The following NUDT3 variants were observed in gnomAD, a reference collection of about 807,000 sequenced individuals.
NUDT3 encodes the protein diphosphoinositol polyphosphate phosphohydrolase 1.
Under a neutral mutation model 23.6 loss-of-function variants are expected in NUDT3, and 9 were observed. The observed-to-expected ratio is 0.38, with a 90% CI of 0.23 to 0.66. NUDT3 has a LOEUF of 0.66. Ranked by LOEUF, NUDT3 falls within the 30% of genes least tolerant of loss-of-function variation. NUDT3 has a pLI of 0.52. For synonymous variants in NUDT3, 86 were observed against 82.6 expected, an observed-to-expected ratio of 1.04 and a Z score of -0.22; for missense variants, 172 against 218.5, an observed-to-expected ratio of 0.79 and a Z score of 1.34.
chr6:34,349,377 G>C (rs146253870), intron 1 of NUDT3, among the ~76,000 whole-genome samples: 1 of 151,068 alleles, frequency 6.6e-6, no homozygotes, highest in African/African-American at 2.5e-5. Flanking sequence ...CTTGGATATG[G>C]GCTGGGTCAA....
At chr6:34,384,811 C>G (rs923026405) in intron 1 of NUDT3, among the ~76,000 whole-genome samples, 2 of 152,124 alleles carry the variant, frequency 1.3e-5, no homozygotes, top group South Asian at 2.1e-4. Context: ...GTGGGAGGAT[C>G]GCTTGAGCTC....
intron 1 of NUDT3, among the ~76,000 whole-genome samples, chr6:34,373,210 C>A (rs187887718): frequency 4.1e-4 from 61 of 148,100 alleles, no homozygotes; most frequent in Admixed American, 1.6e-3. Flanking sequence ...ACCCAGGAGA[C>A]GGAGTTTGCA....
chr6:34,309,157 G>C (rs1763729900), intron 2 of NUDT3, among the ~76,000 whole-genome samples: 1 of 152,030 alleles, frequency 6.6e-6, no homozygotes, highest in African/African-American at 2.4e-5. Flanking sequence ...AAGATGGGAG[G>C]ATCACTTGAG....
intron 2 of NUDT3, among the ~76,000 whole-genome samples, chr6:34,339,286 T>G (rs1764255035): frequency 6.6e-6 from 1 of 152,160 alleles, no homozygotes; most frequent in South Asian, 2.1e-4. Flanking sequence ...TTAGGAAAAG[T>G]GCTTTTTAAC....
intron 1 of NUDT3, among the ~76,000 whole-genome samples, chr6:34,365,617 G>A (rs745521034): frequency 6.6e-6 from 1 of 152,144 alleles, no homozygotes; most frequent in Non-Finnish European, 1.5e-5. Context: ...CATATTCATT[G>A]AGATAGAAAG....
Position 34,287,127 on chromosome 6 carries a change from T to G in NUDT3, c.*1626A>C, listed in dbSNP as rs1279201181. 6.6e-6 allele frequency: 1 copy of G among 152,216 alleles called. No homozygotes were observed. 9.4% of individuals were successfully genotyped at this position (152,216 alleles called of 1,614,324 possible). A position where few individuals can be genotyped will look rare whatever the true frequency, so the allele number is the denominator to read the frequency against. On this transcript the variant is annotated 3_prime_UTR_variant, in exon 5 of 5. Coordinates refer to ENST00000607016, the MANE Select transcript of NUDT3 (RefSeq NM_006703.4). ...CACCAACTGATGTTCCCAAAAGTGC[T>G]GAACACTAAATGACACAGGGCTATG...
At chr6:34,357,295 G>A (rs1764577519) in intron 1 of NUDT3, among the ~76,000 whole-genome samples, 2 of 151,982 alleles carry the variant, frequency 1.3e-5, no homozygotes, top group South Asian at 4.1e-4. Flanking sequence ...GTCCACTTTG[G>A]GAGAGGTTTT....
At chr6:34,319,072 G>A (rs1188282731) in intron 2 of NUDT3, among the ~76,000 whole-genome samples, 1 of 151,212 alleles carries the variant, frequency 6.6e-6, no homozygotes, top group Non-Finnish European at 1.5e-5. Context: ...GGTAGAAAAT[G>A]ACAGCTGTAA....
At chr6:34,354,735 G>GTATATATA (rs142735114) in intron 1 of NUDT3, among the ~76,000 whole-genome samples, 1 of 120,694 alleles carries the variant, frequency 8.3e-6, no homozygotes, top group African/African-American at 2.9e-5. Flanking sequence ...GGGGGAAAAA[G>GTATATATA]TATATATATA....
At chr6:34,367,577 A>T (rs180780710) in intron 1 of NUDT3, among the ~76,000 whole-genome samples, 1 of 152,156 alleles carries the variant, frequency 6.6e-6, no homozygotes, top group Non-Finnish European at 1.5e-5. Flanking sequence ...AAGATTAAAC[A>T]TAAGTACCGT....
chr6:34,295,732 T>C (rs1436653377), intron 2 of NUDT3, 47 bp from the exon 3 acceptor site: 3 of 1,608,240 alleles, frequency 1.9e-6, no homozygotes, highest in Non-Finnish European at 2.5e-6. Flanking sequence ...ATTATATTGC[T>C]GGTCTCATTC....
chr6:34,384,115 C>A (rs1424543280), intron 1 of NUDT3, among the ~76,000 whole-genome samples: 1 of 152,202 alleles, frequency 6.6e-6, no homozygotes, highest in African/African-American at 2.4e-5. Context: ...GTGCAGTCTG[C>A]AGAGACGTCA....
At chr6:34,295,504 G>A (rs927644836) in intron 3 of NUDT3, 137 bp downstream of exon 3, 2 of 963,244 alleles carry the variant, frequency 2.1e-6, no homozygotes, top group Admixed American at 2.8e-5. Context: ...CTGGGCGAGA[G>A]TGAGACCTTG....
At chr6:34,313,483 C>T (rs1392562820) in intron 2 of NUDT3, among the ~76,000 whole-genome samples, 1 of 152,004 alleles carries the variant, frequency 6.6e-6, no homozygotes, top group Non-Finnish European at 1.5e-5. Context: ...CAAGAGGGAA[C>T]CTTATGAAAA....
intron 1 of NUDT3, among the ~76,000 whole-genome samples, chr6:34,385,425 ATG>A (rs1399846495): frequency 6.6e-6 from 1 of 152,208 alleles, no homozygotes. Flanking sequence ...AATCTTTTAT[ATG>A]TATATAAACA....
intron 1 of NUDT3, among the ~76,000 whole-genome samples, chr6:34,364,394 A>G (rs1764694668): frequency 6.6e-6 from 1 of 152,202 alleles, no homozygotes; most frequent in Admixed American, 6.5e-5. Context: ...ATCCGACAGC[A>G]GCTCAACTTG....
chr6:34,336,992 C>A (rs1250739887), intron 2 of NUDT3, among the ~76,000 whole-genome samples: 1 of 152,218 alleles, frequency 6.6e-6, no homozygotes, highest in East Asian at 1.9e-4. Context: ...TAAAAAACAT[C>A]TATCAACATT....
At chr6:34,324,089 T>C (rs1281199149) in intron 2 of NUDT3, among the ~76,000 whole-genome samples, 1 of 152,128 alleles carries the variant, frequency 6.6e-6, no homozygotes, top group East Asian at 1.9e-4. Flanking sequence ...GCGTGGTGGT[T>C]CATGCCTGTA....
rs41269032 is a variant in NUDT3 at position 34,284,128 on chromosome 6, G to A, written c.*4625C>T. ...GACTGCCACCTCAACTGAGCAGTAT[G>A]AACTGCCCACCTCAACTGGGCAGTC... On this transcript the variant is annotated 3_prime_UTR_variant, in exon 5 of 5. Transcript: ENST00000607016. The A allele has an allele frequency of 0.082, 12,559 of 152,238 alleles. 689 individuals are homozygous for A. Among genetic ancestry groups the A allele is most frequent in the Non-Finnish European group, 0.12 (8,030 of 68,026 alleles). 9.4% of individuals were successfully genotyped at this position (152,238 alleles called of 1,614,324 possible).
Sources: gnomAD v4.1 joint callset for allele counts (sites outside exome capture counted in the v4.1 genomes callset) on GRCh38, gnomAD v4.1.1 for gene constraint, MANE v1.5 for transcripts, NCBI Gene and HGNC (gene_info 2026-07-23, HGNC 2026-07-21) for gene names.